The following EHMT1 variants were observed in gnomAD, a reference collection of about 807,000 sequenced individuals.
EHMT1 encodes histone-lysine N-methyltransferase EHMT1.
Under a neutral mutation model 147.2 loss-of-function variants are expected in EHMT1, and 15 were observed. The ratio of observed to expected loss-of-function variants is 0.10; its 90% CI spans 0.07 to 0.16. The LOEUF (loss-of-function observed/expected upper bound fraction) is 0.16, where lower values mean the gene tolerates loss of function less well. Among genes scored for constraint, EHMT1 ranks in the 10% least tolerant of loss-of-function variants. The pLI, the probability that EHMT1 is intolerant of heterozygous loss-of-function variation, is 1.00. For synonymous variants in EHMT1, 795 were observed against 709.6 expected, an observed-to-expected ratio of 1.12 and a Z score of -1.91; for missense variants, 1,587 against 1,772.4, an observed-to-expected ratio of 0.90 and a Z score of 1.88.
At chr9:137,670,383 T>G (rs1317829501) in intron 1 of EHMT1, among the ~76,000 whole-genome samples, 1 of 152,064 alleles carries the variant, frequency 6.6e-6, no homozygotes, top group Non-Finnish European at 1.5e-5. Context: ...GCTAGTCCCC[T>G]CTCCTGCCCT....
chr9:137,805,663 GTCT>G (rs1434778227), intron 18 of EHMT1, among the ~76,000 whole-genome samples: 1 of 151,164 alleles, frequency 6.6e-6, no homozygotes, highest in Non-Finnish European at 1.5e-5. Context: ...ACAGTCAGTG[GTCT>G]TTTTTTTTTT....
chr9:137,758,338 GAC>G (rs1949543494), intron 9 of EHMT1, among the ~76,000 whole-genome samples: 1 of 152,240 alleles, frequency 6.6e-6, no homozygotes, highest in South Asian at 2.1e-4. Context: ...GGCATCTCAG[GAC>G]ACACGGGGAC....
intron 1 of EHMT1, among the ~76,000 whole-genome samples, chr9:137,632,481 T>A (rs534630779): frequency 2.5e-3 from 381 of 152,290 alleles, no homozygotes; most frequent in Non-Finnish European, 4.0e-3. Context: ...GTTGCCCAGG[T>A]TGGTCTTAAA....
rs1483604870 is a variant in EHMT1 at position 137,732,682 on chromosome 9, T to C, written c.823+4153T>C. On this transcript the variant is annotated intron_variant, in intron 4 of 26. Coordinates refer to ENST00000460843, the MANE Select transcript of EHMT1 (RefSeq NM_024757.5). This position sits in a 1 kb window ranked among gnomAD's most constrained non-coding sequence, Gnocchi z 4.6. ...ATTCTGCCGGGAACTGGCAGCCCGG[T>C]TTTCAGGCTTCAGGCGGCCTTTGGC... 6.6e-6 allele frequency among the ~76,000 whole-genome samples: 1 copy of C among 152,066 alleles called. No homozygotes were observed. The highest frequency in any genetic ancestry group is 1.5e-5 in the Non-Finnish European group (1 of 68,000).
In EHMT1 at chr9:137,762,700, G is replaced by A. The variant is rs541570299; in HGVS notation, c.1527G>A (p.Leu509=). The change falls in exon 10 of 27, where the codon CTG becomes CTA. Residue 509 remains leucine, a synonymous_variant. Coordinates refer to ENST00000460843, the MANE Select transcript of EHMT1 (RefSeq NM_024757.5). ...AEGLANGPDV[L]ETDGLQEVPL... ...GGTTGGCCAACGGTCCAGATGTGCT[G>A]GAGACAGACGGCCTCCAGGAAGTGC... is the stretch of plus-strand genomic sequence containing the variant. 1.9e-5 allele frequency: 31 copies of A among 1,614,128 alleles called. No homozygotes were observed. The South Asian group carries it at 2.0e-4, about 10-fold the overall frequency.
intron 18 of EHMT1, among the ~76,000 whole-genome samples, chr9:137,808,036 T>C (rs1396633981): frequency 1.3e-5 from 2 of 152,220 alleles, no homozygotes; most frequent in African/African-American, 4.8e-5. Context: ...ACTCAGTCAC[T>C]TGAAAGCAGT....
In EHMT1 at chr9:137,645,116, G is replaced by A. The variant is rs1436842309; in HGVS notation, c.21+26067G>A. ...TCGAGCTCCTGGCCTCAAATGATCCGCCTGCCTCGGCCTCCCGAAGTGCTG... is the reference window on the plus strand; with the variant it reads ...TCGAGCTCCTGGCCTCAAATGATCCACCTGCCTCGGCCTCCCGAAGTGCTG... On this transcript the variant is annotated intron_variant, in intron 1 of 26. Transcript: ENST00000460843. 9.2e-5 allele frequency among the ~76,000 whole-genome samples: 14 copies of A among 151,976 alleles called. No individual in the cohort carries two copies. In the South Asian group the frequency reaches 1.7e-3, roughly 18 times the overall value.
At chr9:137,811,884 A>G (rs1409600684) in intron 19 of EHMT1, among the ~76,000 whole-genome samples, 2 of 152,214 alleles carry the variant, frequency 1.3e-5, no homozygotes, top group Admixed American at 6.5e-5. Context: ...TACTCCTCAC[A>G]TGGCTGAGGG....
chr9:137,670,421 TG>T, intron 1 of EHMT1, among the ~76,000 whole-genome samples: 1 of 152,254 alleles, frequency 6.6e-6, no homozygotes, highest in African/African-American at 2.4e-5. Context: ...ACTTAGTCCT[TG>T]GGCCTTGCTA....
chr9:137,693,545 C>T (rs117583090), intron 1 of EHMT1, among the ~76,000 whole-genome samples: 4,789 of 151,762 alleles, frequency 0.032, 111 homozygotes, highest in Non-Finnish European at 0.05. Context: ...TTACCCACCA[C>T]GCAGTGGTGC....
intron 22 of EHMT1, chr9:137,815,505 G>C (rs760645017): frequency 3.5e-5 from 10 of 286,106 alleles, no homozygotes; most frequent in South Asian, 1.8e-4. Flanking sequence ...CTGGCTTCAG[G>C]GGGGTAGAAA....
intron 9 of EHMT1, 151 bp from the exon 10 acceptor site, chr9:137,762,524 C>T: frequency 7.3e-7 from 1 of 1,373,398 alleles, no homozygotes; most frequent in South Asian, 1.3e-5. Context: ...GCCATCCCCG[C>T]CCCACGCAGG....
intron 1 of EHMT1, among the ~76,000 whole-genome samples, chr9:137,635,925 A>AT (rs893310841): frequency 2.3e-4 from 34 of 148,120 alleles, no homozygotes; most frequent in East Asian, 4.0e-4. Context: ...ATTAAAAAAA[A>AT]TTTTTTTTTT....
intron 13 of EHMT1, among the ~76,000 whole-genome samples, chr9:137,779,102 C>A (rs74889384): frequency 0.013 from 1,927 of 152,350 alleles, 17 homozygotes; most frequent in Non-Finnish European, 0.022. Context: ...GGTCACATTT[C>A]AACGTGAGTT....
At chr9:137,708,027 G>T (rs959747176) in intron 1 of EHMT1, among the ~76,000 whole-genome samples, 7 of 152,148 alleles carry the variant, frequency 4.6e-5, no homozygotes, top group Non-Finnish European at 7.4e-5. Flanking sequence ...TACTGTAAAA[G>T]AAATGAAAAC....
chr9:137,797,010 G>A (rs1028963843), intron 16 of EHMT1, among the ~76,000 whole-genome samples: 3 of 152,168 alleles, frequency 2.0e-5, no homozygotes, highest in Admixed American at 1.3e-4. Flanking sequence ...CTGTGATCTT[G>A]AGAATTTAAA....
chr9:137,623,580 C>T (rs1010710466), intron 1 of EHMT1, among the ~76,000 whole-genome samples: 1 of 151,920 alleles, frequency 6.6e-6, no homozygotes, highest in Non-Finnish European at 1.5e-5. Flanking sequence ...ACGCCTGTGC[C>T]TGGCTAATTT....
chr9:137,706,097 A>G (rs563073034), intron 1 of EHMT1, among the ~76,000 whole-genome samples: 42 of 151,736 alleles, frequency 2.8e-4, no homozygotes, highest in African/African-American at 9.7e-4. Context: ...GGGCGGGGCT[A>G]GGCTCTGCCA....
At chr9:137,762,394 ACTTGTGT>A (rs975463546) in intron 9 of EHMT1, among the ~76,000 whole-genome samples, 1 of 152,112 alleles carries the variant, frequency 6.6e-6, no homozygotes, top group African/African-American at 2.4e-5. Flanking sequence ...TGGCTTTGGA[ACTTGTGT>A]CCTGGGTCCT....
Sources: gnomAD v4.1 joint callset for allele counts (sites outside exome capture counted in the v4.1 genomes callset) on GRCh38, gnomAD v4.1.1 for gene constraint, Gnocchi (gnomAD v3.1) non-coding constraint, MANE v1.5 for transcripts, NCBI Gene and HGNC (gene_info 2026-07-23, HGNC 2026-07-21) for gene names.